Variants in MARCHF1 observed in about 807,000 individuals in gnomAD.
MARCHF1 encodes membrane associated ring-CH-type finger 1.
MARCHF1 carries 40 observed loss-of-function variants against 54.2 expected under a neutral mutation model. That is an observed-to-expected ratio of 0.74 (90% CI 0.57 to 0.96). MARCHF1 has a LOEUF of 0.96. Ranked by LOEUF, MARCHF1 falls within the 40% of genes least tolerant of loss-of-function variation. MARCHF1 has a pLI of 0.00. For missense variants in MARCHF1, 586 were observed against 656.5 expected, an observed-to-expected ratio of 0.89 and a Z score of 1.17; for synonymous variants, 236 against 236.3, an observed-to-expected ratio of 1.00 and a Z score of 0.01.
At chr4:164,339,294 A>C (rs939134539) in intron 1 of MARCHF1, among the ~76,000 whole-genome samples, 6 of 152,206 alleles carry the variant, frequency 3.9e-5, no homozygotes, top group African/African-American at 7.2e-5. Context: ...AGCACATGCT[A>C]AACATTCTCA....
At chr4:164,245,463 G>A (rs1475354333) in intron 1 of MARCHF1, among the ~76,000 whole-genome samples, 2 of 152,040 alleles carry the variant, frequency 1.3e-5, no homozygotes, top group African/African-American at 4.8e-5. Flanking sequence ...AATAATAAGA[G>A]CTATCTATGA....
intron 1 of MARCHF1, among the ~76,000 whole-genome samples, chr4:164,147,611 G>A (rs1187511281): frequency 7.0e-6 from 1 of 142,934 alleles, no homozygotes; most frequent in Non-Finnish European, 1.5e-5. Context: ...TCATAGGTGG[G>A]AACTGAACAA....
chr4:164,328,807 G>A lies in MARCHF1; in HGVS notation c.-323+55063C>T, dbSNP rs1037932480. 4.9e-4 allele frequency among the ~76,000 whole-genome samples: 75 copies of A among 152,140 alleles called. 1 individual carries two copies. The highest frequency in any genetic ancestry group is 6.5e-5 in the Admixed American group (1 of 15,274). ...AGCCCCCTAAAGTGCTGGGATTACA[G>A]GCAGGAGCCACCACACCCGGCCACA... On this transcript the variant is annotated intron_variant, in intron 1 of 9. Transcript: ENST00000514618.
intron 4 of MARCHF1, among the ~76,000 whole-genome samples, chr4:163,728,468 T>A (rs1745732694): frequency 6.6e-6 from 1 of 152,240 alleles, no homozygotes; most frequent in African/African-American, 2.4e-5. Context: ...CTTTGATTTC[T>A]TTTCGTAGTT....
intron 1 of MARCHF1, among the ~76,000 whole-genome samples, chr4:164,289,970 C>G (rs1237588082): frequency 6.6e-6 from 1 of 151,874 alleles, no homozygotes; most frequent in African/African-American, 2.4e-5. Context: ...ATGTATTCCC[C>G]TAAGGCTTCT....
intron 7 of MARCHF1, among the ~76,000 whole-genome samples, chr4:163,605,915 G>T (rs1333342030): frequency 1.3e-5 from 2 of 152,060 alleles, no homozygotes; most frequent in African/African-American, 4.8e-5. Flanking sequence ...GCGGGTTGGG[G>T]GGCTAGGGGA....
chr4:163,977,688 T>C (rs774541252), intron 3 of MARCHF1, among the ~76,000 whole-genome samples: 5 of 152,224 alleles, frequency 3.3e-5, no homozygotes, highest in Non-Finnish European at 2.9e-5. Context: ...GAAGTCATCA[T>C]TGTGCAGTTG....
chr4:163,856,260 C>A (rs572087949), intron 3 of MARCHF1, among the ~76,000 whole-genome samples: 1 of 152,244 alleles, frequency 6.6e-6, no homozygotes, highest in Admixed American at 6.5e-5. Flanking sequence ...CTGTCATTAT[C>A]TTATTTTAGG....
intron 4 of MARCHF1, among the ~76,000 whole-genome samples, chr4:163,848,884 CTT>C (rs1560786478): frequency 6.6e-6 from 1 of 152,116 alleles, no homozygotes; most frequent in Non-Finnish European, 1.5e-5. Flanking sequence ...AATAACTACT[CTT>C]TTCAATCAGG....
intron 5 of MARCHF1, among the ~76,000 whole-genome samples, chr4:163,628,286 C>T (rs1238165360): frequency 6.6e-6 from 1 of 152,122 alleles, no homozygotes; most frequent in Middle Eastern, 3.2e-3. Context: ...AGCACATAAA[C>T]AGAACCAACG....
intron 1 of MARCHF1, among the ~76,000 whole-genome samples, chr4:164,350,190 A>G (rs1258147405): frequency 6.6e-6 from 1 of 152,198 alleles, no homozygotes; most frequent in East Asian, 1.9e-4. Flanking sequence ...ATGTGTATGT[A>G]TATGTATGTG....
At chr4:163,777,839 T>C (rs980114885) in intron 4 of MARCHF1, among the ~76,000 whole-genome samples, 2 of 152,186 alleles carry the variant, frequency 1.3e-5, no homozygotes, top group Admixed American at 6.5e-5. Flanking sequence ...GACAAATGTA[T>C]ACAGTTGACT....
chr4:163,531,309 A>G (rs1433070646), intron 9 of MARCHF1, among the ~76,000 whole-genome samples: 1 of 151,968 alleles, frequency 6.6e-6, no homozygotes, highest in Non-Finnish European at 1.5e-5. Flanking sequence ...TATTCTAGGT[A>G]TGCAAAGTTG....
In MARCHF1 at chr4:163,669,186, G is replaced by A. The variant is rs191307340; in HGVS notation, c.162+31627C>T. On this transcript the variant is annotated intron_variant, in intron 5 of 9. Transcript: ENST00000514618. Reference sequence around the variant, plus strand: ...TTGGTCTTTCTTTTTCTGAGTGAACGCTGACTTGGCTCTGGTTTTATTGTC... The same window carrying A: ...TTGGTCTTTCTTTTTCTGAGTGAACACTGACTTGGCTCTGGTTTTATTGTC... Among the ~76,000 whole-genome samples the A allele has an allele frequency of 2.1e-3, 327 of 152,128 alleles. 1 individual carries two copies. The highest frequency in any genetic ancestry group is 7.5e-3 in the African/African-American group (310 of 41,508).
chr4:163,873,779 A>G (rs959930388), intron 3 of MARCHF1, among the ~76,000 whole-genome samples: 1 of 152,188 alleles, frequency 6.6e-6, no homozygotes, highest in African/African-American at 2.4e-5. Context: ...CTCCCTGGAC[A>G]CTTCCTTTTT....
chr4:164,133,817 C>A lies in MARCHF1; in HGVS notation c.-322-22155G>T, dbSNP rs567779950. On this transcript the variant is annotated intron_variant, in intron 1 of 9. Coordinates refer to ENST00000514618, the MANE Select transcript of MARCHF1 (RefSeq NM_001394959.1). ...CTAGTGGTCCCATTAACCCAGATGACCTACTGCACTTTGCAAAAAAGACAC... is the reference window on the plus strand; with the variant it reads ...CTAGTGGTCCCATTAACCCAGATGAACTACTGCACTTTGCAAAAAAGACAC... Among the ~76,000 whole-genome samples the A allele has an allele frequency of 3.7e-4, 57 of 152,292 alleles. 1 individual carries two copies. Among genetic ancestry groups the A allele is most frequent in the African/African-American group, 1.3e-3 (53 of 41,566 alleles).
At chr4:163,543,783 G>C (rs1227970257) in intron 9 of MARCHF1, among the ~76,000 whole-genome samples, 1 of 152,098 alleles carries the variant, frequency 6.6e-6, no homozygotes, top group Non-Finnish European at 1.5e-5. Context: ...TGTCTATGAG[G>C]GTCTATGTAT....
chr4:164,332,287 C>T (rs1011011163), intron 1 of MARCHF1, among the ~76,000 whole-genome samples: 1 of 152,124 alleles, frequency 6.6e-6, no homozygotes, highest in Non-Finnish European at 1.5e-5. Context: ...GTTTTACCTG[C>T]CAGAGCCTGT....
chr4:163,843,406 C>T (rs1281275567), intron 4 of MARCHF1, among the ~76,000 whole-genome samples: 2 of 152,034 alleles, frequency 1.3e-5, no homozygotes, highest in Non-Finnish European at 2.9e-5. Flanking sequence ...GGTTGAATGG[C>T]AGGTTTGTTT....
Sources: allele counts gnomAD v4.1 joint callset (sites outside exome capture counted in the v4.1 genomes callset), GRCh38; gene constraint gnomAD v4.1.1; transcripts MANE v1.5; gene names NCBI Gene and HGNC (gene_info 2026-07-23, HGNC 2026-07-21).